ITGA3: variants seen among roughly 807,000 people sequenced by gnomAD.
The protein encoded by ITGA3 is integrin subunit alpha 3, also known as integrin alpha-3.
Under a neutral mutation model 131.1 loss-of-function variants are expected in ITGA3, and 70 were observed. That is an observed-to-expected ratio of 0.53 (90% CI 0.44 to 0.65). The LOEUF (loss-of-function observed/expected upper bound fraction) is 0.65. Among genes scored for constraint, ITGA3 ranks in the 30% least tolerant of loss-of-function variants. The pLI, the probability that ITGA3 is intolerant of heterozygous loss-of-function variation, is 0.00. For synonymous variants in ITGA3, 537 were observed against 571.6 expected (o/e 0.94, Z 0.86); for missense variants, 1,098 against 1,388.6 (o/e 0.79, Z 3.33).
chr17:50,058,861 A>C (rs1023475317), intron 1 of ITGA3, among the ~76,000 whole-genome samples: 18 of 152,202 alleles, frequency 1.2e-4, no homozygotes, highest in Admixed American at 9.2e-4. Flanking sequence ...TCTTTGGAAA[A>C]GTGGGATGGT....
chr17:50,085,875 A>G (rs527259684), intron 23 of ITGA3, among the ~76,000 whole-genome samples: 1 of 134,264 alleles, frequency 7.4e-6, no homozygotes, highest in African/African-American at 2.7e-5. Flanking sequence ...TATACATTAT[A>G]GATTTATAAT....
intron 21 of ITGA3, 76 bp from the exon 22 acceptor site, chr17:50,080,186 C>T (rs1013208845): frequency 5.1e-5 from 44 of 857,412 alleles, no homozygotes; most frequent in Admixed American, 2.0e-4. Flanking sequence ...CTGGAAGGGG[C>T]GGGAGGTAAG....
chr17:50,080,607 C>T (rs1909149032), intron 22 of ITGA3, among the ~76,000 whole-genome samples: 1 of 152,046 alleles, frequency 6.6e-6, no homozygotes, highest in Non-Finnish European at 1.5e-5. Flanking sequence ...GTCCCACCTC[C>T]ATGCCTTTCC....
intron 23 of ITGA3, among the ~76,000 whole-genome samples, chr17:50,084,530 A>T (rs1364122589): frequency 2.1e-4 from 32 of 152,204 alleles, no homozygotes; most frequent in Admixed American, 2.1e-3. Flanking sequence ...TCAATAAATT[A>T]TGGTACATTT....
In ITGA3 at chr17:50,088,283, C is replaced by CGG; in HGVS notation, c.3105_3106dup (p.Glu1036GlyfsTer3). The CGG allele has an allele frequency of 6.3e-7, 1 of 1,590,694 alleles. No homozygotes were observed. Among genetic ancestry groups the CGG allele is most frequent in the Non-Finnish European group, 8.6e-7 (1 of 1,168,866 alleles). On this transcript the variant is annotated frameshift_variant, in exon 25 of 26. Coordinates refer to ENST00000320031, the MANE Select transcript of ITGA3 (RefSeq NM_002204.4). LOFTEE classifies it high-confidence loss of function. ...CTGTATGAAGCTAAGAGGCAGAAGGCGGAGATGAAGAGCCAGCCGTCAGAG... is the reference window on the plus strand; with the variant it reads ...CTGTATGAAGCTAAGAGGCAGAAGGCGGGGAGATGAAGAGCCAGCCGTCAGAG...
At position 50,064,251 on chromosome 17, in the gene ITGA3, G is replaced by A. The variant is rs1277758556; in HGVS notation, c.334+47G>A. ...GGGGTGCTGGGTCAGAGGTCTGGCA[G>A]GGGGGTACCGCAGAGAGAATGGCCT... On this transcript the variant is annotated intron_variant, in intron 2 of 25. Coordinates refer to ENST00000320031, the MANE Select transcript of ITGA3 (RefSeq NM_002204.4). The surrounding 1 kb of genome is among the most constrained non-coding windows in gnomAD (Gnocchi z 4.4). 20 of 1,569,736 alleles carry A rather than the reference G, an allele frequency of 1.3e-5. No individual in the cohort carries two copies. In the East Asian group the frequency reaches 4.6e-4, roughly 36 times the overall value.
At position 50,074,006 on chromosome 17, in the gene ITGA3, T is replaced by C; in HGVS notation, c.1245+2T>C. The stretch of plus-strand genomic sequence containing the variant: ...GGGCTCCTTAGACAGCCCCAGCAGG[T>C]ACAGAGAGACGGGGATGGGTCTGCT... On this transcript the variant is annotated splice_donor_variant, in intron 8 of 25. Transcript: ENST00000320031. LOFTEE classifies it high-confidence loss of function. 1 of 1,609,384 alleles carries C rather than the reference T, an allele frequency of 6.2e-7. No homozygotes were observed. Among genetic ancestry groups the C allele is most frequent in the Non-Finnish European group, 8.5e-7 (1 of 1,175,830 alleles).
chr17:50,060,891 G>A (rs758209592), intron 1 of ITGA3, among the ~76,000 whole-genome samples: 3 of 152,156 alleles, frequency 2.0e-5, no homozygotes, highest in African/African-American at 7.2e-5. Context: ...GCTCATTTGT[G>A]TACTAATTTG....
chr17:50,073,109 A>C (rs1567699986), intron 7 of ITGA3, among the ~76,000 whole-genome samples: 1 of 152,196 alleles, frequency 6.6e-6, no homozygotes, highest in South Asian at 2.1e-4. Context: ...CTCCCTTTAC[A>C]GGCCTTACTA....
Position 50,080,322 on chromosome 17 carries a change from G to A in ITGA3, c.2767G>A (p.Val923Ile), listed in dbSNP as rs370320531. ...WLECPIPDAP[V>I]VTNVTVKARV... ...AGAGTGCCCCATCCCTGATGCCCCC[G>A]TTGTCACCAACGTGACTGTGAAGGC... Residue 923 changes from valine to isoleucine, a missense_variant, in exon 22 of 26, where the codon GTT (valine) becomes ATT (isoleucine). By Grantham distance (29) the Val-to-Ile change is conservative (BLOSUM62 3). Transcript: ENST00000320031. 22 of 1,613,398 alleles carry A rather than the reference G, an allele frequency of 1.4e-5. No homozygotes were observed. The highest frequency in any genetic ancestry group is 4.0e-5 in the African/African-American group (3 of 74,906).
At chr17:50,068,822 ATT>A (rs1448342727) in intron 4 of ITGA3, among the ~76,000 whole-genome samples, 2 of 126,632 alleles carry the variant, frequency 1.6e-5, no homozygotes, top group African/African-American at 3.0e-5. Flanking sequence ...TTTTTTATTT[ATT>A]TATTTATTTA....
chr17:50,088,835 A>G (rs951955663), intron 25 of ITGA3, among the ~76,000 whole-genome samples: 2 of 152,134 alleles, frequency 1.3e-5, no homozygotes, highest in African/African-American at 4.8e-5. Context: ...TAGACTGCCC[A>G]GTCTTCCTGG....
rs768997679 is a variant in ITGA3 at position 50,064,493 on chromosome 17, G to C, written c.335-35G>C. 1 of 1,586,344 alleles carries C rather than the reference G, an allele frequency of 6.3e-7. No homozygotes were observed. Among genetic ancestry groups the C allele is most frequent in the African/African-American group, 1.3e-5 (1 of 74,636 alleles). On this transcript the variant is annotated intron_variant, in intron 2 of 25. Coordinates refer to ENST00000320031, the MANE Select transcript of ITGA3 (RefSeq NM_002204.4). This position sits in a 1 kb window ranked among gnomAD's most constrained non-coding sequence, Gnocchi z 4.4. The stretch of plus-strand genomic sequence containing the variant: ...ACTTTGGGCACTGAAGTATGGGTGA[G>C]GTGCTCTGATTCATGATCCTTCCGG...
Position 50,088,228 on chromosome 17 carries a change from G to T in ITGA3, c.3049G>T (p.Gly1017Cys). Residue 1017 changes from glycine to cysteine, a missense_variant, in exon 25 of 26, where the codon GGC becomes TGC. By Grantham distance (159) the Gly-to-Cys change is radical (BLOSUM62 -3). Coordinates refer to ENST00000320031, the MANE Select transcript of ITGA3 (RefSeq NM_002204.4). ...CCCCACCTCCTCCCCTCCGCAGTGC[G>T]GCTTCTTCAAGCGAGCCCGCACTCG... is the stretch of plus-strand genomic sequence containing the variant. Reference protein sequence around the residue: ...GLIILLLWKCGFFKRARTRAL... With the variant: ...GLIILLLWKCCFFKRARTRAL... The T allele has an allele frequency of 6.4e-7, 1 of 1,560,948 alleles. No homozygotes were observed. The highest frequency in any genetic ancestry group is 8.7e-7 in the Non-Finnish European group (1 of 1,152,582).
intron 16 of ITGA3, 77 bp from the exon 17 acceptor site, chr17:50,077,969 G>A: frequency 8.1e-7 from 1 of 1,228,540 alleles, no homozygotes; most frequent in Non-Finnish European, 1.2e-6. Flanking sequence ...AGAATAGTGT[G>A]CATCCCCTCC....
In ITGA3 at chr17:50,064,680, G is replaced by A. The variant is rs1487419806; in HGVS notation, c.414+73G>A. 6.8e-6 allele frequency: 9 copies of A among 1,328,154 alleles called. No individual in the cohort carries two copies. The East Asian group carries it at 1.6e-4, about 24-fold the overall frequency. 82.3% of individuals were successfully genotyped at this position (1,328,154 alleles called of 1,614,324 possible). A position where few individuals can be genotyped will look rare whatever the true frequency, so the allele number is the denominator to read the frequency against. On this transcript the variant is annotated intron_variant, in intron 3 of 25. Coordinates refer to ENST00000320031, the MANE Select transcript of ITGA3 (RefSeq NM_002204.4). This position sits in a 1 kb window ranked among gnomAD's most constrained non-coding sequence, Gnocchi z 4.4. Reference sequence around the variant, plus strand: ...CCTCATCTCCAGAGCTGGGAGGAAAGAAGAGGGCAGCAGGGGGGTCCACGG... The same window carrying A: ...CCTCATCTCCAGAGCTGGGAGGAAAAAAGAGGGCAGCAGGGGGGTCCACGG...
intron 3 of ITGA3, chr17:50,066,081 T>A (rs1281064711): frequency 1.4e-5 from 2 of 140,122 alleles, no homozygotes; most frequent in African/African-American, 5.4e-5. Flanking sequence ...CAGGCTGGAG[T>A]ATAGTGGTGC....
chr17:50,063,851 G>A (rs1908201502), intron 1 of ITGA3: 1 of 575,310 alleles, frequency 1.7e-6, no homozygotes, highest in Non-Finnish European at 3.1e-6. Flanking sequence ...TGCCCCCTCA[G>A]CCCTGAGCCT....
chr17:50,080,168 G>A, intron 21 of ITGA3, 94 bp from the exon 22 acceptor site: 1 of 729,718 alleles, frequency 1.4e-6, no homozygotes, highest in South Asian at 1.9e-5. Flanking sequence ...CCAGGGGTGA[G>A]ACAAAGCCTG....
Sources: gnomAD v4.1 joint callset for allele counts (sites outside exome capture counted in the v4.1 genomes callset) on GRCh38, gnomAD v4.1.1 for gene constraint, Gnocchi (gnomAD v3.1) non-coding constraint, MANE v1.5 for transcripts, NCBI Gene and HGNC (gene_info 2026-07-23, HGNC 2026-07-21) for gene names.